LRCH2: variants seen among roughly 807,000 people sequenced by gnomAD.
The protein encoded by LRCH2 is leucine rich repeats and calponin homology domain containing 2, also known as leucine-rich repeat and calponin homology domain-containing protein 2.
A neutral mutation model predicts 68.9 loss-of-function variants in LRCH2; 38 were observed. That is an observed-to-expected ratio of 0.55 (90% confidence interval 0.43 to 0.72). LRCH2 has a LOEUF of 0.72. Among genes scored for constraint, LRCH2 ranks in the 30% least tolerant of loss-of-function variants. LRCH2 has a pLI of 0.00. For synonymous variants in LRCH2, 191 were observed against 208.1 expected (o/e 0.92, Z 0.71); for missense variants, 528 against 572.9 (o/e 0.92, Z 0.80).
At chrX:115,192,311 C>CT in intron 1 of LRCH2, 2 of 1,161,007 alleles carry the variant, frequency 1.7e-6, no homozygotes, top group Non-Finnish European at 2.3e-6. Flanking sequence ...GGCCCCTCGC[C>CT]TGACGCCCAC....
chrX:115,123,971 C>G lies in LRCH2; in HGVS notation c.1823G>C (p.Ser608Thr). 2 of 1,112,541 alleles carry G rather than the reference C, an allele frequency of 1.8e-6. No homozygotes were observed. The highest frequency in any genetic ancestry group is 4.5e-5 in the South Asian group (2 of 44,753). The allele number at this position is 1,112,541 out of a possible 1,213,427, so 91.7% of individuals were successfully genotyped here. The part of the protein sequence containing the change: ...EYDRTDGFSH[S>T]PFGLKPRSAF... ...TGATCTAGGCTTCAAGCCAAAGGGA[C>G]TGTGTGAAAAACCATCAGTTCTGTC... The change falls in exon 17 of 21, where the codon AGT (serine) becomes ACT (threonine). Residue 608 changes from serine (S) to threonine (T), a missense_variant. Ser to Thr is a moderately conservative substitution (Grantham distance 58). Coordinates refer to ENST00000317135, the MANE Select transcript of LRCH2 (RefSeq NM_020871.4).
intron 1 of LRCH2, chrX:115,191,871 C>T (rs1603080910): frequency 1.7e-6 from 2 of 1,163,853 alleles, no homozygotes; most frequent in Non-Finnish European, 2.3e-6. Context: ...GCCGGAACGA[C>T]CCCTGCAGAG....
intron 1 of LRCH2, among the ~76,000 whole-genome samples, chrX:115,200,066 A>G (rs2072919391): frequency 8.9e-6 from 1 of 112,470 alleles, no homozygotes; most frequent in Admixed American, 9.5e-5. Context: ...AAATTAATAC[A>G]AAAGATTAAA....
At position 115,112,852 on chromosome X, in the gene LRCH2, A is replaced by G. The variant is rs2072053398; in HGVS notation, c.*364T>C. 1 of 116,381 alleles carries G rather than the reference A, an allele frequency of 8.6e-6. No individual in the cohort carries two copies. Among genetic ancestry groups the G allele is most frequent in the Non-Finnish European group, 1.8e-5 (1 of 56,123 alleles). The allele number at this position is 116,381 out of a possible 1,213,427, so 9.6% of individuals were successfully genotyped here. A position where few individuals can be genotyped will look rare whatever the true frequency, so the allele number is the denominator to read the frequency against. On this transcript the variant is annotated 3_prime_UTR_variant, in exon 21 of 21. Transcript: ENST00000317135. ...TAAATTGCTAAAAAAAATTACCTTTATCCAGATGTTTACTAATATGCTATG... is the reference window on the plus strand; with the variant it reads ...TAAATTGCTAAAAAAAATTACCTTTGTCCAGATGTTTACTAATATGCTATG...
intron 1 of LRCH2, among the ~76,000 whole-genome samples, chrX:115,227,976 T>C (rs2073129942): frequency 8.9e-6 from 1 of 112,129 alleles, no homozygotes; most frequent in African/African-American, 3.2e-5. Context: ...AAAAAACTTT[T>C]CCTCAAAGAA....
rs2072050296 is a variant in LRCH2 at position 115,112,426 on chromosome X, GACA to G, written c.*787_*789del. Reference sequence around the variant, plus strand: ...TAATCATATTAACATTGGTATTTTTGACAACATGAAATAACCAATTTAAGGGAA... The same window carrying G: ...TAATCATATTAACATTGGTATTTTTGACATGAAATAACCAATTTAAGGGAA... On this transcript the variant is annotated 3_prime_UTR_variant, in exon 21 of 21. Coordinates refer to ENST00000317135, the MANE Select transcript of LRCH2 (RefSeq NM_020871.4). 9.0e-6 allele frequency: 1 copy of G among 111,427 alleles called. No individual in the cohort carries two copies. The highest frequency in any genetic ancestry group is 3.7e-4 in the South Asian group (1 of 2,693). 9.2% of individuals were successfully genotyped at this position (111,427 alleles called of 1,213,427 possible). A position where few individuals can be genotyped will look rare whatever the true frequency, so the allele number is the denominator to read the frequency against.
intron 14 of LRCH2, among the ~76,000 whole-genome samples, chrX:115,148,083 T>A (rs2072402410): frequency 9.0e-6 from 1 of 110,942 alleles, no homozygotes; most frequent in South Asian, 3.8e-4. Context: ...AAAAAAAAAA[T>A]TAAAAACCAG....
At chrX:115,217,711 T>C (rs1290961068) in intron 1 of LRCH2, among the ~76,000 whole-genome samples, 1 of 111,891 alleles carries the variant, frequency 8.9e-6, no homozygotes, top group East Asian at 2.8e-4. Flanking sequence ...CTCTTTATAG[T>C]AGAATGATTT....
At chrX:115,133,135 T>C (rs1556530829) in intron 14 of LRCH2, among the ~76,000 whole-genome samples, 1 of 111,994 alleles carries the variant, frequency 8.9e-6, no homozygotes, top group African/African-American at 3.2e-5. Flanking sequence ...AACTGTACAT[T>C]GCACAAGCAT....
intron 1 of LRCH2, among the ~76,000 whole-genome samples, chrX:115,208,723 GTCTTA>G (rs782796282): frequency 3.6e-5 from 4 of 111,987 alleles, no homozygotes; most frequent in African/African-American, 1.3e-4. Context: ...TATAGTCTTA[GTCTTA>G]TCTTATTCAG....
rs1556558697 is a variant in LRCH2, at chrX:115,191,081, A to G, written c.350-2711T>C. 3.5e-6 allele frequency: 4 copies of G among 1,153,538 alleles called. No individual in the cohort carries two copies. In the South Asian group the frequency reaches 7.7e-5, roughly 22 times the overall value. On this transcript the variant is annotated intron_variant, in intron 1 of 20. Transcript: ENST00000317135. ...AACAGTTACGGCCAGAGCCACCGCT[A>G]TGGAGGAGAAGGCCGCTATGAGTAC...
At chrX:115,184,047 T>C (rs956129816) in intron 3 of LRCH2, among the ~76,000 whole-genome samples, 9 of 112,603 alleles carry the variant, frequency 8.0e-5, no homozygotes, top group Admixed American at 2.8e-4. Context: ...TTATCTCCTT[T>C]GTTTAAGGAT....
chrX:115,134,667 A>G (rs1335785837), intron 14 of LRCH2, among the ~76,000 whole-genome samples: 1 of 112,060 alleles, frequency 8.9e-6, no homozygotes, highest in African/African-American at 3.2e-5. Context: ...TCGAGCTCAG[A>G]AAAAAAGATT....
chrX:115,179,059 TTC>T (rs1232830502), intron 5 of LRCH2, among the ~76,000 whole-genome samples: 1 of 112,171 alleles, frequency 8.9e-6, no homozygotes, highest in Non-Finnish European at 1.9e-5. Flanking sequence ...ATTTTGTTCT[TTC>T]TGTTATAATT....
At chrX:115,163,834 T>C in intron 10 of LRCH2, 51 bp from the exon 11 acceptor site, 1 of 880,765 alleles carries the variant, frequency 1.1e-6, no homozygotes, top group Non-Finnish European at 1.6e-6. Context: ...AGACTACATT[T>C]TATGCCAGCT....
At position 115,170,295 on chromosome X, in the gene LRCH2, T is replaced by C. The variant is rs781794197; in HGVS notation, c.998+4A>G. The C allele has an allele frequency of 3.4e-6, 4 of 1,162,320 alleles. No homozygotes were observed. Among genetic ancestry groups the C allele is most frequent in the Middle Eastern group, 2.4e-4 (1 of 4,218 alleles). On this transcript the variant is annotated splice_donor_region_variant and intron_variant, in intron 6 of 20. Transcript: ENST00000317135. Reference sequence around the variant, plus strand: ...CAAATGAAACTGTAAGAATGTTACATTACCTGTCTGTGAGAGGCTGTGAGG... The same window carrying C: ...CAAATGAAACTGTAAGAATGTTACACTACCTGTCTGTGAGAGGCTGTGAGG...
At chrX:115,181,099 T>C (rs1200110353) in intron 3 of LRCH2, among the ~76,000 whole-genome samples, 6 of 110,182 alleles carry the variant, frequency 5.4e-5, no homozygotes, top group South Asian at 3.8e-4. Context: ...AAGAAAGGAA[T>C]ATTCCAGACA....
chrX:115,143,044 G>T (rs1256547787), intron 14 of LRCH2, among the ~76,000 whole-genome samples: 1 of 111,101 alleles, frequency 9.0e-6, no homozygotes, highest in Non-Finnish European at 1.9e-5. Context: ...GCTGCAGTGA[G>T]CCATGACACC....
intron 11 of LRCH2, among the ~76,000 whole-genome samples, chrX:115,163,252 A>G (rs2072533289): frequency 9.0e-6 from 1 of 111,559 alleles, no homozygotes. Flanking sequence ...CATGACATGT[A>G]CCTAGAAAAA....
Sources: gnomAD v4.1 joint callset for allele counts (sites outside exome capture counted in the v4.1 genomes callset) on GRCh38, gnomAD v4.1.1 for gene constraint, MANE v1.5 for transcripts, NCBI Gene and HGNC (gene_info 2026-07-23, HGNC 2026-07-21) for gene names.